NCKAP5: variants seen among roughly 807,000 people sequenced by gnomAD.
The protein encoded by NCKAP5 is NCK associated protein 5, also known as nck-associated protein 5.
NCKAP5 carries 92 observed loss-of-function variants against 167.0 expected under a neutral mutation model. That is an observed-to-expected ratio of 0.55 (90% CI 0.47 to 0.66). The LOEUF is 0.66. Among genes scored for constraint, NCKAP5 ranks in the 30% least tolerant of loss-of-function variants. The probability of loss-of-function intolerance (pLI) is 0.00; values close to 1 mark genes in which losing one functional copy is unlikely to be tolerated. For missense variants in NCKAP5, 2,378 were observed against 2,315.0 expected (o/e 1.03, Z -0.56); for synonymous variants, 891 against 877.4 (o/e 1.02, Z -0.27).
intron 3 of NCKAP5, among the ~76,000 whole-genome samples, chr2:133,410,375 T>C (rs1688700559): frequency 6.6e-6 from 1 of 152,224 alleles, no homozygotes; most frequent in Non-Finnish European, 1.5e-5. Context: ...TAGCCCCTGC[T>C]ACATCCCTAC....
intron 6 of NCKAP5, among the ~76,000 whole-genome samples, chr2:133,012,535 A>G (rs917498507): frequency 4.6e-5 from 7 of 152,122 alleles, no homozygotes; most frequent in African/African-American, 1.7e-4. Flanking sequence ...GGCGTGTCAG[A>G]GTGGTTTCTT....
chr2:133,450,893 A>G (rs1691508723), intron 3 of NCKAP5, among the ~76,000 whole-genome samples: 2 of 152,188 alleles, frequency 1.3e-5, no homozygotes, highest in African/African-American at 4.8e-5. Context: ...AAAGGTTTTC[A>G]TATGCTAAAG....
intron 10 of NCKAP5, among the ~76,000 whole-genome samples, chr2:132,867,183 C>T (rs1195306908): frequency 2.0e-5 from 3 of 151,920 alleles, no homozygotes; most frequent in Non-Finnish European, 4.4e-5. Context: ...CAAATGGCTT[C>T]CTTGTCTCTT....
chr2:132,851,451 C>T (rs1475909641), intron 11 of NCKAP5, among the ~76,000 whole-genome samples: 1 of 152,194 alleles, frequency 6.6e-6, no homozygotes, highest in East Asian at 1.9e-4. Flanking sequence ...CTGGGGGCTA[C>T]TGTGAGCCCA....
intron 3 of NCKAP5, among the ~76,000 whole-genome samples, chr2:133,397,441 T>C (rs1687800508): frequency 2.0e-5 from 3 of 152,224 alleles, no homozygotes; most frequent in Non-Finnish European, 4.4e-5. Flanking sequence ...AAGCACCTTC[T>C]CTATGTAATT....
chr2:133,446,281 T>C (rs1457006792), intron 3 of NCKAP5, among the ~76,000 whole-genome samples: 1 of 152,188 alleles, frequency 6.6e-6, no homozygotes, highest in Non-Finnish European at 1.5e-5. Flanking sequence ...AGTAGAAGAT[T>C]TGTTCATGTT....
At chr2:132,773,711 C>A in intron 16 of NCKAP5, 105 bp downstream of exon 16, 1 of 885,374 alleles carries the variant, frequency 1.1e-6, no homozygotes, top group South Asian at 1.7e-5. Flanking sequence ...AGTTAACACT[C>A]AGTCTTGATA....
intron 3 of NCKAP5, among the ~76,000 whole-genome samples, chr2:133,471,298 A>C (rs1191540676): frequency 6.6e-6 from 1 of 152,186 alleles, no homozygotes; most frequent in African/African-American, 2.4e-5. Context: ...TGAGCGGCTC[A>C]TATGCACTTT....
intron 3 of NCKAP5, among the ~76,000 whole-genome samples, chr2:133,463,177 T>G (rs1414563657): frequency 2.0e-5 from 3 of 152,354 alleles, no homozygotes; most frequent in African/African-American, 7.2e-5. Context: ...CCACTTTACC[T>G]ACAGCCTTTT....
rs11901136 is a variant in NCKAP5, at chr2:133,399,396, A to C, written c.70-96286T>G. ...ATTGACCCTAAGATTAAAAAAAAAA[A>C]ACAAAACATAAAACAGCTGTCATTA... On this transcript the variant is annotated intron_variant, in intron 3 of 19. Transcript: ENST00000409261. Among the ~76,000 whole-genome samples, 450 of 152,130 alleles carry C rather than the reference A, an allele frequency of 3.0e-3. 2 individuals carry two copies. Among genetic ancestry groups the C allele is most frequent in the African/African-American group, 0.01 (427 of 41,498 alleles).
intron 4 of NCKAP5, among the ~76,000 whole-genome samples, chr2:133,276,215 A>G (rs1225808646): frequency 6.6e-6 from 1 of 152,164 alleles, no homozygotes; most frequent in African/African-American, 2.4e-5. Context: ...TATAACACAC[A>G]TAACATACAA....
intron 6 of NCKAP5, among the ~76,000 whole-genome samples, chr2:133,058,393 A>C (rs1472427981): frequency 6.6e-6 from 1 of 152,214 alleles, no homozygotes; most frequent in Non-Finnish European, 1.5e-5. Flanking sequence ...AAGGATTACC[A>C]TTCTTCATGC....
At chr2:132,895,192 G>A (rs1294206661) in intron 8 of NCKAP5, among the ~76,000 whole-genome samples, 5 of 151,714 alleles carry the variant, frequency 3.3e-5, no homozygotes, top group East Asian at 2.0e-4. Flanking sequence ...TTAGCCGGGC[G>A]TGGTGGCGGG....
chr2:132,763,787 A>AGACAATT (rs1334183420), intron 16 of NCKAP5, among the ~76,000 whole-genome samples: 2 of 152,198 alleles, frequency 1.3e-5, no homozygotes, highest in Non-Finnish European at 2.9e-5. Context: ...ATCAGTGATC[A>AGACAATT]CAATGCATTT....
the NCKAP5 span, among the ~76,000 whole-genome samples, chr2:133,646,454 A>G: frequency 6.6e-6 from 1 of 151,922 alleles, no homozygotes; most frequent in South Asian, 2.1e-4. Flanking sequence ...GTACTGAAAG[A>G]AAAAAAACAC....
chr2:133,432,320 G>T (rs1326661823), intron 3 of NCKAP5, among the ~76,000 whole-genome samples: 4 of 152,106 alleles, frequency 2.6e-5, no homozygotes, highest in African/African-American at 9.7e-5. Flanking sequence ...AAATACCTGA[G>T]AAAAGCAGAA....
intron 3 of NCKAP5, among the ~76,000 whole-genome samples, chr2:133,336,091 G>GA (rs1301439708): frequency 1.3e-5 from 2 of 152,004 alleles, no homozygotes; most frequent in African/African-American, 2.4e-5. Context: ...ACAGAGGGTG[G>GA]AAAATCACAC....
intron 15 of NCKAP5, among the ~76,000 whole-genome samples, chr2:132,774,858 C>A (rs868551006): frequency 3.5e-4 from 53 of 152,268 alleles, no homozygotes; most frequent in African/African-American, 1.2e-3. Context: ...GATGAAGACC[C>A]ATCCCAAAGC....
chr2:132,792,895 A>G (rs1185877641), intron 12 of NCKAP5, among the ~76,000 whole-genome samples: 1 of 152,150 alleles, frequency 6.6e-6, no homozygotes, highest in East Asian at 1.9e-4. Flanking sequence ...TACCTCCTGT[A>G]TAGATGTTGG....
Sources: gnomAD v4.1 joint callset for allele counts (sites outside exome capture counted in the v4.1 genomes callset) on GRCh38, gnomAD v4.1.1 for gene constraint, MANE v1.5 for transcripts, NCBI Gene and HGNC (gene_info 2026-07-23, HGNC 2026-07-21) for gene names.